ORC2: variants seen among roughly 807,000 people sequenced by gnomAD.
ORC2 encodes origin recognition complex subunit 2, also known as origin recognition complex protein 2 homolog.
A neutral mutation model predicts 77.7 loss-of-function variants in ORC2; 37 were observed. The observed-to-expected ratio is 0.48, with a 90% CI of 0.37 to 0.63. ORC2 has a LOEUF of 0.63. Among genes scored for constraint, ORC2 ranks in the 20% least tolerant of loss-of-function variants. The pLI is 0.00. For synonymous variants in ORC2, 201 were observed against 229.5 expected, an observed-to-expected ratio of 0.88 and a Z score of 1.12; for missense variants, 557 against 661.9, an observed-to-expected ratio of 0.84 and a Z score of 1.74.
Position 200,954,505 on chromosome 2 carries a change from A to G in ORC2, c.238+2896T>C, listed in dbSNP as rs17383298. Reference sequence around the variant, plus strand: ...TGCAAAAAGTCTATTTATAAACGTAATGGTGCAAGCTTATGTGTGCCCATG... The same window carrying G: ...TGCAAAAAGTCTATTTATAAACGTAGTGGTGCAAGCTTATGTGTGCCCATG... On this transcript the variant is annotated intron_variant, in intron 4 of 17. Coordinates refer to ENST00000234296, the MANE Select transcript of ORC2 (RefSeq NM_006190.5). 9.7e-3 allele frequency among the ~76,000 whole-genome samples: 1,470 copies of G among 152,304 alleles called. 8 individuals are homozygous for G. The highest frequency in any genetic ancestry group is 0.015 in the Non-Finnish European group (1,013 of 68,016).
intron 1 of ORC2, among the ~76,000 whole-genome samples, chr2:200,960,321 C>T (rs2041549165): frequency 6.6e-6 from 1 of 151,598 alleles, no homozygotes; most frequent in African/African-American, 2.4e-5. Flanking sequence ...AAATTGTGGA[C>T]TTGGCTGTGA....
intron 5 of ORC2, among the ~76,000 whole-genome samples, chr2:200,949,302 CTG>C (rs2041307949): frequency 2.0e-5 from 3 of 150,276 alleles, no homozygotes; most frequent in African/African-American, 7.3e-5. Context: ...AAAACAAAGA[CTG>C]TGCACATACT....
At chr2:200,944,939 CTA>C (rs1233713077) in intron 5 of ORC2, among the ~76,000 whole-genome samples, 3 of 152,170 alleles carry the variant, frequency 2.0e-5, no homozygotes, top group African/African-American at 7.2e-5. Context: ...AGCTATAAGT[CTA>C]TGGGGCCAAA....
chr2:200,921,185 G>A (rs1327203166), intron 13 of ORC2, 46 bp from the exon 14 acceptor site: 1 of 1,323,276 alleles, frequency 7.6e-7, no homozygotes, highest in African/African-American at 1.5e-5. Context: ...ATTTTTAGAG[G>A]GTCTCACTCT....
At chr2:200,931,228 A>G in intron 11 of ORC2, 111 bp downstream of exon 11, 1 of 469,704 alleles carries the variant, frequency 2.1e-6, no homozygotes, top group South Asian at 4.4e-5. Context: ...TTTATATATG[A>G]CTAAATATCT....
chr2:200,914,046 T>C, intron 15 of ORC2, 54 bp from the exon 16 acceptor site: 1 of 1,064,748 alleles, frequency 9.4e-7, no homozygotes, highest in Non-Finnish European at 1.4e-6. Flanking sequence ...CATCAAAAGG[T>C]AACAACTAAT....
rs191223844 is a variant in ORC2 at position 200,921,040 on chromosome 2, T to C, written c.1247A>G (p.His416Arg). ...AATGGATGCTATAAGGTAAATGTTA[T>C]GCAAAGATGACAACTGACCAATGAT... ...QQIIGQLSSL[H>R]NIYLIASIDH... The change falls in exon 14 of 18, where the codon CAT (histidine) becomes CGT (arginine). Residue 416 changes from histidine (H) to arginine (R), a missense_variant. Coordinates refer to ENST00000234296, the MANE Select transcript of ORC2 (RefSeq NM_006190.5). 1.8e-5 allele frequency: 29 copies of C among 1,608,014 alleles called. No individual in the cohort carries two copies. The African/African-American group carries it at 3.2e-4, about 18-fold the overall frequency.
chr2:200,911,328 G>A lies in ORC2; in HGVS notation c.1707C>T (p.Phe569=), dbSNP rs1169935215. 1 of 1,608,696 alleles carries A rather than the reference G, an allele frequency of 6.2e-7. No individual in the cohort carries two copies. Among genetic ancestry groups the A allele is most frequent in the Non-Finnish European group, 8.5e-7 (1 of 1,175,296 alleles). ...AAGCCTCCTCTTCTTCCTTTTCCAA[G>A]AAATCAGTCAATGTTCCATTATCAA... ...IPVDNGTLTD[F]LEKEEEEA is the part of the protein sequence containing the mutation. The change falls in exon 18 of 18, where the codon TTC becomes TTT. Residue 569 remains phenylalanine (F), a synonymous_variant. Transcript: ENST00000234296.
intron 2 of ORC2, among the ~76,000 whole-genome samples, chr2:200,958,526 A>G (rs1227953271): frequency 6.6e-6 from 1 of 152,200 alleles, no homozygotes; most frequent in Non-Finnish European, 1.5e-5. Context: ...CCAAACAAAG[A>G]ATAATGCTTT....
At chr2:200,923,009 C>A (rs935981418) in intron 13 of ORC2, among the ~76,000 whole-genome samples, 10 of 152,136 alleles carry the variant, frequency 6.6e-5, no homozygotes, top group Non-Finnish European at 1.5e-4. Context: ...GTTTCTCTTA[C>A]AATAACCTGC....
rs543620271 is a variant in ORC2 at position 200,918,425 on chromosome 2, T to C, written c.1466+1797A>G. Among the ~76,000 whole-genome samples, 3 of 150,870 alleles carry C rather than the reference T, an allele frequency of 2.0e-5. No individual in the cohort carries two copies. The South Asian group carries it at 6.2e-4, about 31-fold the overall frequency. On this transcript the variant is annotated intron_variant, in intron 15 of 17. Transcript: ENST00000234296. ...ACCACAAGTGTCCCTTCATTGCTCT[T>C]TAAAAACAAAAAAGAAATTGTCTCT...
At chr2:200,962,135 G>T (rs1017516933) in intron 1 of ORC2, among the ~76,000 whole-genome samples, 13 of 152,090 alleles carry the variant, frequency 8.5e-5, no homozygotes, top group African/African-American at 2.9e-4. Flanking sequence ...TGTCTACAAA[G>T]ACCTCATGAG....
intron 10 of ORC2, among the ~76,000 whole-genome samples, chr2:200,933,433 T>A (rs1328214891): frequency 6.6e-6 from 1 of 152,044 alleles, no homozygotes; most frequent in East Asian, 1.9e-4. Flanking sequence ...ATAGGTTAAA[T>A]GAATAACAGA....
intron 4 of ORC2, among the ~76,000 whole-genome samples, chr2:200,953,345 A>AT (rs749704773): frequency 7.3e-4 from 110 of 150,886 alleles, no homozygotes; most frequent in Non-Finnish European, 1.5e-3. Context: ...ACCTCTGAGA[A>AT]TTTAACGATA....
chr2:200,926,557 A>G (rs2040841516), intron 12 of ORC2, among the ~76,000 whole-genome samples: 1 of 152,226 alleles, frequency 6.6e-6, no homozygotes, highest in African/African-American at 2.4e-5. Context: ...ACATTTTCCT[A>G]AGTTTTAATA....
At chr2:200,916,880 G>C (rs1391633540) in intron 15 of ORC2, among the ~76,000 whole-genome samples, 2 of 151,702 alleles carry the variant, frequency 1.3e-5, no homozygotes, top group Non-Finnish European at 2.9e-5. Flanking sequence ...TTTTTTAGTA[G>C]AGATGGGATT....
chr2:200,949,725 T>G (rs1399040623), intron 4 of ORC2, 82 bp from the exon 5 acceptor site: 2 of 716,210 alleles, frequency 2.8e-6, no homozygotes, highest in East Asian at 5.3e-5. Context: ...AACTTAAGAT[T>G]TGTACCCCTC....
intron 7 of ORC2, among the ~76,000 whole-genome samples, chr2:200,939,621 CA>C (rs1430085801): frequency 6.6e-6 from 1 of 152,130 alleles, no homozygotes; most frequent in Non-Finnish European, 1.5e-5. Context: ...ATCAGTTTAC[CA>C]TTTTGAAAAA....
At chr2:200,916,852 G>A (rs1052530714) in intron 15 of ORC2, among the ~76,000 whole-genome samples, 1 of 151,538 alleles carries the variant, frequency 6.6e-6, no homozygotes, top group African/African-American at 2.4e-5. Context: ...TCAGGTGCCC[G>A]CCACCACGCC....
Sources: allele counts gnomAD v4.1 joint callset (sites outside exome capture counted in the v4.1 genomes callset), GRCh38; gene constraint gnomAD v4.1.1; transcripts MANE v1.5; gene names NCBI Gene and HGNC (gene_info 2026-07-23, HGNC 2026-07-21).